The following VPS41 variants were observed in gnomAD, a reference collection of about 807,000 sequenced individuals.
VPS41 encodes the protein vacuolar protein sorting-associated protein 41 homolog.
In VPS41, 85 loss-of-function variants were observed where a neutral mutation model predicts 130.9. The ratio of observed to expected loss-of-function variants is 0.65; its 90% CI spans 0.55 to 0.78. The LOEUF is 0.78. Ranked by LOEUF, VPS41 falls within the 30% of genes least tolerant of loss-of-function variation. The pLI, the probability that VPS41 is intolerant of heterozygous loss-of-function variation, is 0.00. For missense variants in VPS41, 874 were observed against 1,018.7 expected (o/e 0.86, Z 1.93); for synonymous variants, 335 against 332.9 (o/e 1.01, Z -0.07).
chr7:38,799,829 A>G (rs1784690810), intron 7 of VPS41, among the ~76,000 whole-genome samples: 1 of 152,200 alleles, frequency 6.6e-6, no homozygotes, highest in South Asian at 2.1e-4. Context: ...TCAAAACAAT[A>G]CAGCAATGTT....
At chr7:38,846,232 T>C (rs574349096) in intron 4 of VPS41, among the ~76,000 whole-genome samples, 1 of 152,192 alleles carries the variant, frequency 6.6e-6, no homozygotes, top group Non-Finnish European at 1.5e-5. Flanking sequence ...CTTCAACACA[T>C]TACATTGCAA....
chr7:38,845,423 C>T (rs1785702882), intron 4 of VPS41, among the ~76,000 whole-genome samples: 1 of 152,106 alleles, frequency 6.6e-6, no homozygotes, highest in Non-Finnish European at 1.5e-5. Flanking sequence ...AGTCACCTTC[C>T]GGGATGCTAC....
intron 5 of VPS41, among the ~76,000 whole-genome samples, chr7:38,824,988 C>CA (rs755104844): frequency 6.6e-6 from 1 of 152,122 alleles, no homozygotes; most frequent in Non-Finnish European, 1.5e-5. Flanking sequence ...AATGTCCCTT[C>CA]AAAAATTAAA....
At chr7:38,862,505 T>C in intron 4 of VPS41, 40 bp downstream of exon 4, 3 of 1,243,604 alleles carry the variant, frequency 2.4e-6, no homozygotes, top group Non-Finnish European at 3.4e-6. Context: ...ATACTTAACA[T>C]GAAGTTTAGC....
intron 9 of VPS41, among the ~76,000 whole-genome samples, chr7:38,793,825 T>G (rs1784575307): frequency 6.6e-6 from 1 of 152,156 alleles, no homozygotes; most frequent in Admixed American, 6.5e-5. Context: ...TCCTCCTCTC[T>G]TCCATGTTAG....
chr7:38,823,832 T>TC (rs373585472), intron 5 of VPS41, among the ~76,000 whole-genome samples: 1 of 152,084 alleles, frequency 6.6e-6, no homozygotes, highest in African/African-American at 2.4e-5. Context: ...TACACATATG[T>TC]CCCCCCCATC....
intron 16 of VPS41, 62 bp downstream of exon 16, chr7:38,765,518 T>G: frequency 9.0e-7 from 1 of 1,107,854 alleles, no homozygotes; most frequent in South Asian, 1.4e-5. Context: ...TATCTTTGTT[T>G]CCACTGCAAT....
At chr7:38,835,840 T>C (rs1472881930) in intron 4 of VPS41, among the ~76,000 whole-genome samples, 2 of 151,804 alleles carry the variant, frequency 1.3e-5, no homozygotes, top group Non-Finnish European at 2.9e-5. Flanking sequence ...AGATGCCCTA[T>C]AATTTGGCAT....
rs1021499749 is a variant in VPS41 at position 38,834,194 on chromosome 7, C to T, written c.247-3866G>A. The stretch of plus-strand genomic sequence containing the variant: ...CTTCTGAATGGTTAGGAAAATATTG[C>T]ACTTAATGGTAAGATGTTGAGAGCT... On this transcript the variant is annotated intron_variant, in intron 4 of 28. Coordinates refer to ENST00000310301, the MANE Select transcript of VPS41 (RefSeq NM_014396.4). Among the ~76,000 whole-genome samples, 6 of 151,884 alleles carry T rather than the reference C, an allele frequency of 4.0e-5. No individual in the cohort carries two copies. In the East Asian group the frequency reaches 1.2e-3, roughly 29 times the overall value.
At chr7:38,814,713 T>C (rs1189980446) in intron 7 of VPS41, among the ~76,000 whole-genome samples, 5 of 152,138 alleles carry the variant, frequency 3.3e-5, no homozygotes, top group African/African-American at 1.2e-4. Flanking sequence ...CCTCCAAATC[T>C]TCAGTCCTAC....
rs1171676204 is a variant in VPS41, at chr7:38,830,302, G to C, written c.273C>G (p.Ser91Arg). The change falls in exon 5 of 29, where the codon AGC becomes AGG. Residue 91 changes from serine (S) to arginine (R), a missense_variant. Ser to Arg is a moderately radical substitution (Grantham distance 110). Transcript: ENST00000310301. ...DVSPVKINQISLDESGEHMGV... is the reference protein window; with the variant it reads ...DVSPVKINQIRLDESGEHMGV... The stretch of plus-strand genomic sequence containing the variant: ...CCATGTGCTCTCCACTTTCATCCAA[G>C]CTAATCTGATTTATCTTCACAGGAC... 2 of 1,612,540 alleles carry C rather than the reference G, an allele frequency of 1.2e-6. No individual in the cohort carries two copies. Among genetic ancestry groups the C allele is most frequent in the African/African-American group, 1.3e-5 (1 of 74,864 alleles).
At chr7:38,795,900 C>A (rs922298994) in intron 8 of VPS41, among the ~76,000 whole-genome samples, 1 of 152,194 alleles carries the variant, frequency 6.6e-6, no homozygotes, top group Non-Finnish European at 1.5e-5. Flanking sequence ...CATTTCCAAA[C>A]TGACAGACAA....
At chr7:38,733,469 G>A (rs115904855) in intron 25 of VPS41, among the ~76,000 whole-genome samples, 1,727 of 152,182 alleles carry the variant, frequency 0.011, 45 homozygotes, top group African/African-American at 0.039. Flanking sequence ...GTTTCCTGAA[G>A]GTTTATAGAC....
chr7:38,757,093 A>AAC, intron 18 of VPS41, 111 bp from the exon 19 acceptor site: 1 of 839,846 alleles, frequency 1.2e-6, no homozygotes, highest in Non-Finnish European at 1.8e-6. Context: ...TTAGAGAGAA[A>AAC]AGTTAACTTT....
chr7:38,900,536 T>G (rs1787118983), intron 1 of VPS41, among the ~76,000 whole-genome samples: 2 of 152,142 alleles, frequency 1.3e-5, no homozygotes, highest in African/African-American at 4.8e-5. Flanking sequence ...TAAATGTATG[T>G]AAATTAAAAA....
At chr7:38,766,435 T>C (rs973688357) in intron 15 of VPS41, among the ~76,000 whole-genome samples, 5 of 152,220 alleles carry the variant, frequency 3.3e-5, no homozygotes, top group African/African-American at 1.2e-4. Context: ...TCTTCTGGAC[T>C]ATCTTCCAAG....
intron 2 of VPS41, among the ~76,000 whole-genome samples, chr7:38,881,407 TAC>T (rs1786604035): frequency 6.6e-6 from 1 of 152,196 alleles, no homozygotes; most frequent in South Asian, 2.1e-4. Context: ...CTCACTCTCC[TAC>T]AGTCAGCTGA....
intron 10 of VPS41, among the ~76,000 whole-genome samples, chr7:38,786,146 A>G (rs1005395995): frequency 7.2e-5 from 11 of 152,202 alleles, no homozygotes; most frequent in Non-Finnish European, 1.3e-4. Flanking sequence ...AAACATGGGA[A>G]GCACTGTGTG....
chr7:38,757,241 T>A (rs935422747), intron 18 of VPS41, among the ~76,000 whole-genome samples: 1 of 152,178 alleles, frequency 6.6e-6, no homozygotes, highest in Non-Finnish European at 1.5e-5. Context: ...ATGGTCTTTA[T>A]TGGGGGTCTC....
Sources: gnomAD v4.1 joint callset for allele counts (sites outside exome capture counted in the v4.1 genomes callset) on GRCh38, gnomAD v4.1.1 for gene constraint, MANE v1.5 for transcripts, NCBI Gene and HGNC (gene_info 2026-07-23, HGNC 2026-07-21) for gene names.